NRXN3: variants seen among roughly 807,000 people sequenced by gnomAD.
NRXN3 encodes neurexin 3.
Under a neutral mutation model 137.6 loss-of-function variants are expected in NRXN3, and 32 were observed. That is an observed-to-expected ratio of 0.23 (90% CI 0.18 to 0.31). The LOEUF is 0.31. Ranked by LOEUF, NRXN3 falls within the 10% of genes least tolerant of loss-of-function variation. The pLI, the probability that NRXN3 is intolerant of heterozygous loss-of-function variation, is 1.00. For missense variants in NRXN3, 1,574 were observed against 2,062.5 expected (o/e 0.76, Z 4.59); for synonymous variants, 798 against 784.5 (o/e 1.02, Z -0.29).
At chr14:79,063,347 G>T (rs973580746) in intron 15 of NRXN3, among the ~76,000 whole-genome samples, 1 of 152,066 alleles carries the variant, frequency 6.6e-6, no homozygotes, top group Admixed American at 6.6e-5. Flanking sequence ...CCAATGGCAT[G>T]ATCTTGGCTC....
At chr14:78,629,321 C>T (rs994474460) in intron 4 of NRXN3, among the ~76,000 whole-genome samples, 16 of 152,188 alleles carry the variant, frequency 1.1e-4, no homozygotes, top group African/African-American at 3.6e-4. Flanking sequence ...TACTTTTCTA[C>T]TTTAGCCGAG....
intron 16 of NRXN3, among the ~76,000 whole-genome samples, chr14:79,546,589 G>A (rs1238036787): frequency 2.6e-5 from 4 of 152,164 alleles, no homozygotes; most frequent in Non-Finnish European, 5.9e-5. Flanking sequence ...CTTTTGGCGG[G>A]TAGTAGAGAA....
chr14:79,360,387 G>C (rs1390379649), intron 15 of NRXN3, among the ~76,000 whole-genome samples: 1 of 152,214 alleles, frequency 6.6e-6, no homozygotes, highest in Admixed American at 6.5e-5. Flanking sequence ...TTACAGGCGT[G>C]AGCCACTGTG....
chr14:78,678,823 C>G (rs1040592894), intron 6 of NRXN3, among the ~76,000 whole-genome samples: 4 of 152,188 alleles, frequency 2.6e-5, no homozygotes, highest in African/African-American at 9.6e-5. Flanking sequence ...ATTTCCTATT[C>G]TACTAAGCCC....
intron 15 of NRXN3, among the ~76,000 whole-genome samples, chr14:79,028,100 G>C (rs190591380): frequency 5.7e-4 from 87 of 152,208 alleles, no homozygotes; most frequent in African/African-American, 1.8e-3. Flanking sequence ...CATGTACGAA[G>C]GATCCAATAA....
intron 19 of NRXN3, among the ~76,000 whole-genome samples, chr14:79,799,854 C>T (rs2099171629): frequency 6.6e-6 from 1 of 152,190 alleles, no homozygotes; most frequent in Admixed American, 6.5e-5. Flanking sequence ...CCTGTCTCAT[C>T]AGACTGTGAA....
intron 1 of NRXN3, among the ~76,000 whole-genome samples, chr14:78,228,874 G>A: frequency 6.6e-6 from 1 of 152,152 alleles, no homozygotes. Flanking sequence ...ATAACCTCAA[G>A]GAATGTGTCC....
chr14:78,403,778 G>T lies in NRXN3; in HGVS notation c.757+105918G>T, dbSNP rs568990316. 8 of 985,442 alleles carry T rather than the reference G, an allele frequency of 8.1e-6. No individual in the cohort carries two copies. The South Asian group carries it at 2.8e-4, about 35-fold the overall frequency. The allele number at this position is 985,442 out of a possible 1,614,324, so 61.0% of individuals were successfully genotyped here. On this transcript the variant is annotated intron_variant, in intron 4 of 20. Transcript: ENST00000335750. The stretch of plus-strand genomic sequence containing the variant: ...GACTGGAGGGCTTGAGGAATGTGGT[G>T]GTCCCTCTCTTCGTTGTTTCTGCCC...
intron 1 of NRXN3, among the ~76,000 whole-genome samples, chr14:78,207,756 C>T (rs1418834876): frequency 6.6e-6 from 1 of 152,156 alleles, no homozygotes; most frequent in Non-Finnish European, 1.5e-5. Context: ...CTTTGAACTC[C>T]ACTTGTTCCT....
chr14:78,975,428 G>T (rs12897049), intron 14 of NRXN3, among the ~76,000 whole-genome samples: 13,052 of 152,164 alleles, frequency 0.086, 861 homozygotes, highest in Non-Finnish European at 0.11. Flanking sequence ...AATGTGTGTG[G>T]GGGGATATGA....
intron 8 of NRXN3, among the ~76,000 whole-genome samples, chr14:78,720,141 A>G (rs1368428100): frequency 2.0e-5 from 3 of 151,934 alleles, no homozygotes; most frequent in African/African-American, 4.8e-5. Context: ...CTTGGCCTGC[A>G]CGGTTCCCTT....
intron 19 of NRXN3, among the ~76,000 whole-genome samples, chr14:79,748,952 A>G (rs2098988352): frequency 6.6e-6 from 1 of 152,076 alleles, no homozygotes; most frequent in Admixed American, 6.6e-5. Flanking sequence ...GAGGCATGAG[A>G]AAAGCTGGTG....
intron 19 of NRXN3, among the ~76,000 whole-genome samples, chr14:79,715,055 G>A (rs1227743892): frequency 3.3e-5 from 5 of 152,116 alleles, no homozygotes; most frequent in East Asian, 3.9e-4. Context: ...CCAGGTTCAC[G>A]CCATTCTCCT....
intron 4 of NRXN3, among the ~76,000 whole-genome samples, chr14:78,534,576 A>C (rs17835152): frequency 0.31 from 46,655 of 152,018 alleles, 7,395 homozygotes; most frequent in Middle Eastern, 0.36. Context: ...TTTCTTTAAC[A>C]TGTATTTCTA....
intron 16 of NRXN3, among the ~76,000 whole-genome samples, chr14:79,540,838 A>G (rs1382211906): frequency 6.6e-6 from 1 of 152,208 alleles, no homozygotes; most frequent in Non-Finnish European, 1.5e-5. Context: ...GGCTCTGTAT[A>G]GCTGGAGGAG....
chr14:79,342,565 G>C (rs2092666355), intron 15 of NRXN3, among the ~76,000 whole-genome samples: 1 of 151,726 alleles, frequency 6.6e-6, no homozygotes, highest in African/African-American at 2.4e-5. Flanking sequence ...ATTTTTCAAG[G>C]CACCTTGGGA....
intron 17 of NRXN3, among the ~76,000 whole-genome samples, chr14:79,678,362 G>A (rs969827969): frequency 6.6e-6 from 1 of 152,132 alleles, no homozygotes; most frequent in East Asian, 1.9e-4. Context: ...TATTCATTAA[G>A]CATCCTTCTC....
intron 15 of NRXN3, among the ~76,000 whole-genome samples, chr14:79,306,279 A>G (rs1470410595): frequency 6.6e-6 from 1 of 152,076 alleles, no homozygotes; most frequent in East Asian, 1.9e-4. Context: ...CCTGAAGACA[A>G]CGCACACATC....
chr14:79,626,007 T>C (rs1011049595), intron 16 of NRXN3, among the ~76,000 whole-genome samples: 1 of 152,218 alleles, frequency 6.6e-6, no homozygotes, highest in African/African-American at 2.4e-5. Flanking sequence ...AATTATATAA[T>C]GACTAGCCTC....
Sources: allele counts gnomAD v4.1 joint callset (sites outside exome capture counted in the v4.1 genomes callset), GRCh38; gene constraint gnomAD v4.1.1; transcripts MANE v1.5; gene names NCBI Gene and HGNC (gene_info 2026-07-23, HGNC 2026-07-21).